CNTNAP5: variants seen among roughly 807,000 people sequenced by gnomAD.
CNTNAP5 encodes contactin-associated protein-like 5.
Under a neutral mutation model 150.2 loss-of-function variants are expected in CNTNAP5, and 72 were observed. The observed-to-expected ratio is 0.48, with a 90% CI of 0.40 to 0.58. The LOEUF (loss-of-function observed/expected upper bound fraction) is 0.58. CNTNAP5 is among the 20% of genes least tolerant of loss of function. CNTNAP5 has a pLI of 0.00. For missense variants in CNTNAP5, 1,636 were observed against 1,626.2 expected (o/e 1.01, Z -0.10); for synonymous variants, 672 against 619.8 (o/e 1.08, Z -1.25).
chr2:124,758,895 T>G (rs2105159175), intron 14 of CNTNAP5, among the ~76,000 whole-genome samples: 1 of 152,180 alleles, frequency 6.6e-6, no homozygotes, highest in Non-Finnish European at 1.5e-5. Context: ...CAAATCACAG[T>G]GGGTTCGATG....
intron 12 of CNTNAP5, among the ~76,000 whole-genome samples, chr2:124,633,181 C>G (rs1001285214): frequency 1.3e-5 from 2 of 152,118 alleles, no homozygotes; most frequent in African/African-American, 4.8e-5. Context: ...CAACAGTCCC[C>G]CTAAATTTTA....
intron 19 of CNTNAP5, among the ~76,000 whole-genome samples, chr2:124,821,234 A>G (rs1351788171): frequency 1.3e-5 from 2 of 152,236 alleles, no homozygotes; most frequent in Admixed American, 1.3e-4. Context: ...AGAGAGGGAC[A>G]GAAAACTAAG....
At chr2:124,500,103 C>T (rs1694242459) in intron 7 of CNTNAP5, among the ~76,000 whole-genome samples, 2 of 152,086 alleles carry the variant, frequency 1.3e-5, no homozygotes, top group Admixed American at 6.6e-5. Context: ...ACTCTATGCC[C>T]TCAACGGAGT....
In CNTNAP5 at chr2:124,865,286, T is replaced by C; in HGVS notation, c.3218-20T>C. ...ATAGGTGCTGCTTTATATTCTAATT[T>C]CTAATATTTTTCTTTCAAGGAAGCT... On this transcript the variant is annotated intron_variant, in intron 19 of 23. Transcript: ENST00000682447. 3 of 1,544,570 alleles carry C rather than the reference T, an allele frequency of 1.9e-6. No individual in the cohort carries two copies. Among genetic ancestry groups the C allele is most frequent in the Non-Finnish European group, 2.6e-6 (3 of 1,141,282 alleles).
chr2:124,122,523 C>A (rs1157706340), intron 1 of CNTNAP5, among the ~76,000 whole-genome samples: 2 of 152,132 alleles, frequency 1.3e-5, no homozygotes, highest in African/African-American at 2.4e-5. Flanking sequence ...TCTCTGTAAC[C>A]CTTTTATGAG....
intron 3 of CNTNAP5, among the ~76,000 whole-genome samples, chr2:124,317,439 T>G (rs1319350724): frequency 1.3e-5 from 2 of 152,150 alleles, no homozygotes; most frequent in African/African-American, 2.4e-5. Flanking sequence ...CAGACCACTT[T>G]GCTTGCCACT....
At chr2:124,767,030 A>G (rs1267782776) in intron 16 of CNTNAP5, among the ~76,000 whole-genome samples, 1 of 152,198 alleles carries the variant, frequency 6.6e-6, no homozygotes, top group Admixed American at 6.5e-5. Flanking sequence ...GGATGGAAAC[A>G]TCTTGTATTC....
intron 16 of CNTNAP5, among the ~76,000 whole-genome samples, chr2:124,766,196 C>T (rs1184914269): frequency 6.6e-6 from 1 of 152,032 alleles, no homozygotes; most frequent in African/African-American, 2.4e-5. Context: ...GTACCCACCA[C>T]CTTGCCCTTG....
intron 3 of CNTNAP5, among the ~76,000 whole-genome samples, chr2:124,356,871 G>A (rs1378142130): frequency 2.6e-5 from 4 of 151,692 alleles, no homozygotes; most frequent in Admixed American, 2.6e-4. Context: ...AGATCCCTGA[G>A]GAATCGCCAC....
At chr2:124,667,489 A>G (rs1678724829) in intron 13 of CNTNAP5, among the ~76,000 whole-genome samples, 1 of 152,232 alleles carries the variant, frequency 6.6e-6, no homozygotes, top group Admixed American at 6.5e-5. Context: ...TGGTCAAGGT[A>G]AGTATAATGC....
At chr2:124,056,325 C>T (rs771320379) in intron 1 of CNTNAP5, among the ~76,000 whole-genome samples, 35 of 152,050 alleles carry the variant, frequency 2.3e-4, no homozygotes, top group Non-Finnish European at 4.9e-4. Flanking sequence ...TCAGCATCTT[C>T]TATACAACTG....
intron 21 of CNTNAP5, among the ~76,000 whole-genome samples, chr2:124,883,033 A>G (rs1008283668): frequency 1.3e-5 from 2 of 151,246 alleles, no homozygotes; most frequent in African/African-American, 2.4e-5. Flanking sequence ...TTGGTTGGGG[A>G]CGGAGCCTAA....
chr2:124,531,831 G>C (rs1402940857), intron 10 of CNTNAP5, among the ~76,000 whole-genome samples: 2 of 152,112 alleles, frequency 1.3e-5, no homozygotes, highest in African/African-American at 4.8e-5. Flanking sequence ...AAAAGCTGAT[G>C]CAAAATTAAT....
intron 10 of CNTNAP5, among the ~76,000 whole-genome samples, chr2:124,554,921 A>G (rs747229847): frequency 6.6e-6 from 1 of 152,218 alleles, no homozygotes; most frequent in Non-Finnish European, 1.5e-5. Context: ...AAAATGAGAT[A>G]TTCATTGTTA....
At chr2:124,723,849 A>G (rs1680097949) in intron 13 of CNTNAP5, among the ~76,000 whole-genome samples, 1 of 152,034 alleles carries the variant, frequency 6.6e-6, no homozygotes, top group Non-Finnish European at 1.5e-5. Context: ...CACCTCTTTT[A>G]AGATCTTATC....
chr2:124,617,668 G>C (rs1677519827), intron 12 of CNTNAP5, among the ~76,000 whole-genome samples: 1 of 152,088 alleles, frequency 6.6e-6, no homozygotes, highest in East Asian at 1.9e-4. Flanking sequence ...ACATTCACAG[G>C]TACGGAGGGT....
At chr2:124,622,788 A>C (rs1466995784) in intron 12 of CNTNAP5, among the ~76,000 whole-genome samples, 1 of 152,162 alleles carries the variant, frequency 6.6e-6, no homozygotes, top group Non-Finnish European at 1.5e-5. Flanking sequence ...ATACAAAAGC[A>C]AGCTGAGTTC....
At chr2:124,292,474 A>G (rs2104635547) in intron 3 of CNTNAP5, among the ~76,000 whole-genome samples, 1 of 152,248 alleles carries the variant, frequency 6.6e-6, no homozygotes, top group African/African-American at 2.4e-5. Flanking sequence ...ACATGTTGGA[A>G]TCTCTTGACT....
In CNTNAP5 at chr2:124,799,044, A is replaced by G. The variant is rs552782241; in HGVS notation, c.3217+724A>G. On this transcript the variant is annotated intron_variant, in intron 19 of 23. Coordinates refer to ENST00000682447, the MANE Select transcript of CNTNAP5 (RefSeq NM_001367498.1). Reference sequence around the variant, plus strand: ...TTTCCTAATGCTAAATAAAAGGATTATTTTTTAAATTTTATTTATTATTTA... The same window carrying G: ...TTTCCTAATGCTAAATAAAAGGATTGTTTTTTAAATTTTATTTATTATTTA... Among the ~76,000 whole-genome samples, 258 of 152,268 alleles carry G rather than the reference A, an allele frequency of 1.7e-3. 1 individual carries two copies. Among genetic ancestry groups the G allele is most frequent in the African/African-American group, 6.1e-3 (254 of 41,564 alleles).
Sources: allele counts gnomAD v4.1 joint callset (sites outside exome capture counted in the v4.1 genomes callset), GRCh38; gene constraint gnomAD v4.1.1; transcripts MANE v1.5; gene names NCBI Gene and HGNC (gene_info 2026-07-23, HGNC 2026-07-21).